Variants in PTPRN2 observed in about 807,000 individuals in gnomAD.
PTPRN2 encodes receptor-type tyrosine-protein phosphatase N2.
Under a neutral mutation model 118.8 loss-of-function variants are expected in PTPRN2, and 74 were observed. That is an observed-to-expected ratio of 0.62 (90% CI 0.52 to 0.76). The LOEUF (loss-of-function observed/expected upper bound fraction) is 0.76, where lower values mean the gene tolerates loss of function less well. Among genes scored for constraint, PTPRN2 ranks in the 30% least tolerant of loss-of-function variants. PTPRN2 has a pLI of 0.00. For synonymous variants in PTPRN2, 641 were observed against 608.0 expected, an observed-to-expected ratio of 1.05 and a Z score of -0.80; for missense variants, 1,481 against 1,394.4, an observed-to-expected ratio of 1.06 and a Z score of -0.99.
At chr7:157,985,470 T>A (rs1036096012) in intron 11 of PTPRN2, among the ~76,000 whole-genome samples, 1 of 152,192 alleles carries the variant, frequency 6.6e-6, no homozygotes, top group Non-Finnish European at 1.5e-5. Context: ...TTACCAGAAT[T>A]TGTTCTAGTT....
At chr7:158,146,126 C>T (rs979560903) in intron 6 of PTPRN2, among the ~76,000 whole-genome samples, 1 of 152,178 alleles carries the variant, frequency 6.6e-6, no homozygotes, top group African/African-American at 2.4e-5. Context: ...CTCGCCACAG[C>T]TCATTGTGAT....
chr7:158,302,613 C>T (rs1057110994), intron 3 of PTPRN2, among the ~76,000 whole-genome samples: 4 of 152,232 alleles, frequency 2.6e-5, no homozygotes, highest in Non-Finnish European at 5.9e-5. Context: ...CCTCGTTTCA[C>T]GATAAACAAC....
chr7:158,267,846 C>T (rs140228553), intron 3 of PTPRN2, among the ~76,000 whole-genome samples: 6 of 152,324 alleles, frequency 3.9e-5, no homozygotes, highest in East Asian at 3.9e-4. Context: ...CATCTCTCCA[C>T]GTGACCAGCT....
intron 1 of PTPRN2, among the ~76,000 whole-genome samples, chr7:158,583,735 C>T (rs748526502): frequency 1.4e-4 from 21 of 152,206 alleles, no homozygotes; most frequent in Non-Finnish European, 1.3e-4. Context: ...CCCATTCCTT[C>T]TGCCCAGAAC....
At chr7:158,271,064 C>G (rs1586070410) in intron 3 of PTPRN2, among the ~76,000 whole-genome samples, 1 of 119,478 alleles carries the variant, frequency 8.4e-6, no homozygotes, top group South Asian at 2.7e-4. Context: ...ACCTGGGCCA[C>G]CCCCTCCACC....
rs1488127112 is a variant in PTPRN2, at chr7:157,903,206, C to A, written c.1724-4469G>T. ...ACATGCGCTCACATGGAAGTGGGGA[C>A]CAGACATCGGGTACTTACAGCCATA... On this transcript the variant is annotated intron_variant, in intron 11 of 22. Coordinates refer to ENST00000389418, the MANE Select transcript of PTPRN2 (RefSeq NM_002847.5). The surrounding 1 kb of genome is among the most constrained non-coding windows in gnomAD (Gnocchi z 4.2). Among the ~76,000 whole-genome samples, 1 of 152,010 alleles carries A rather than the reference C, an allele frequency of 6.6e-6. No homozygotes were observed. The highest frequency in any genetic ancestry group is 1.5e-5 in the Non-Finnish European group (1 of 68,018).
intron 5 of PTPRN2, among the ~76,000 whole-genome samples, chr7:158,184,115 TGAA>T (rs1018548135): frequency 3.2e-4 from 48 of 152,294 alleles, no homozygotes; most frequent in African/African-American, 1.1e-3. Context: ...TGTCTTCTTT[TGAA>T]GAAGAAAATT....
chr7:158,178,306 T>C (rs1824392188), intron 5 of PTPRN2, among the ~76,000 whole-genome samples: 2 of 152,140 alleles, frequency 1.3e-5, no homozygotes, highest in African/African-American at 4.8e-5. Flanking sequence ...ATCCAAGTAA[T>C]GCACATTGTA....
chr7:158,134,924 C>A lies in PTPRN2; in HGVS notation c.1174-865G>T, dbSNP rs113178782. On this transcript the variant is annotated intron_variant, in intron 8 of 22. Transcript: ENST00000389418. The stretch of plus-strand genomic sequence containing the variant: ...ACCAGATCACAAAAGTCGTGATTAT[C>A]AGATCCAGAATTGGAACTCAGGTCT... Among the ~76,000 whole-genome samples, 877 of 152,242 alleles carry A rather than the reference C, an allele frequency of 5.8e-3. 7 individuals are homozygous for A. Among genetic ancestry groups the A allele is most frequent in the African/African-American group, 0.02 (831 of 41,532 alleles).
chr7:158,183,808 T>C (rs1432489480), intron 5 of PTPRN2, among the ~76,000 whole-genome samples: 1 of 152,194 alleles, frequency 6.6e-6, no homozygotes, highest in Non-Finnish European at 1.5e-5. Flanking sequence ...GCCACTTCTT[T>C]CAAAGGTTCT....
intron 11 of PTPRN2, among the ~76,000 whole-genome samples, chr7:158,009,176 G>A (rs1254108307): frequency 6.6e-6 from 1 of 152,064 alleles, no homozygotes; most frequent in African/African-American, 2.4e-5. Context: ...CCATGCACAA[G>A]GCGACGCTTC....
intron 12 of PTPRN2, among the ~76,000 whole-genome samples, chr7:157,731,203 C>T (rs1799879577): frequency 6.6e-6 from 1 of 152,116 alleles, no homozygotes; most frequent in Admixed American, 6.5e-5. Context: ...AAACCTTGCC[C>T]GCATATCAGC....
intron 9 of PTPRN2, among the ~76,000 whole-genome samples, chr7:158,115,090 C>G (rs1181050567): frequency 6.6e-6 from 1 of 152,148 alleles, no homozygotes; most frequent in Admixed American, 6.5e-5. Flanking sequence ...TCACTGGAGT[C>G]CAGGAGCTCA....
intron 2 of PTPRN2, among the ~76,000 whole-genome samples, chr7:158,343,403 C>G (rs540502924): frequency 6.6e-6 from 1 of 152,114 alleles, no homozygotes; most frequent in Non-Finnish European, 1.5e-5. Flanking sequence ...GAAGCAAAAC[C>G]GAAAATAACG....
chr7:157,607,358 A>G (rs1258179681), intron 15 of PTPRN2, among the ~76,000 whole-genome samples: 1 of 152,194 alleles, frequency 6.6e-6, no homozygotes, highest in Non-Finnish European at 1.5e-5. Context: ...GTGGGAATAA[A>G]AGCAGGGGCT....
chr7:157,705,098 G>A (rs1254059412), intron 12 of PTPRN2, among the ~76,000 whole-genome samples: 1 of 152,186 alleles, frequency 6.6e-6, no homozygotes, highest in Non-Finnish European at 1.5e-5. Flanking sequence ...GAGGTCAGGA[G>A]TTCGAGACCA....
At chr7:157,859,660 T>C (rs866481352) in intron 12 of PTPRN2, among the ~76,000 whole-genome samples, 4 of 17,572 alleles carry the variant, frequency 2.3e-4, no homozygotes, top group African/African-American at 5.1e-4. Context: ...CCACCCACAC[T>C]CCTGCAGGGA....
At chr7:158,257,803 C>T (rs1279426110) in intron 3 of PTPRN2, among the ~76,000 whole-genome samples, 1 of 152,242 alleles carries the variant, frequency 6.6e-6, no homozygotes, top group Non-Finnish European at 1.5e-5. Flanking sequence ...GGCGTGCGTG[C>T]CAGGGGTGAG....
At chr7:158,278,067 C>T (rs916640695) in intron 3 of PTPRN2, among the ~76,000 whole-genome samples, 6 of 152,118 alleles carry the variant, frequency 3.9e-5, no homozygotes, top group Non-Finnish European at 7.4e-5. Context: ...CCGGGGTGGC[C>T]GGGGACCAAG....
Sources: allele counts gnomAD v4.1 joint callset (sites outside exome capture counted in the v4.1 genomes callset), GRCh38; gene constraint gnomAD v4.1.1; non-coding constraint Gnocchi (gnomAD v3.1); transcripts MANE v1.5; gene names NCBI Gene and HGNC (gene_info 2026-07-23, HGNC 2026-07-21).